The following PHF24 variants were observed in gnomAD, a reference collection of about 807,000 sequenced individuals.
PHF24 encodes the protein PHD finger protein 24.
PHF24 carries 25 observed loss-of-function variants against 42.6 expected under a neutral mutation model. That is an observed-to-expected ratio of 0.59 (90% CI 0.43 to 0.82). PHF24 has a LOEUF of 0.82. Ranked by LOEUF, PHF24 falls within the 40% of genes least tolerant of loss-of-function variation. The probability of loss-of-function intolerance (pLI) is 0.00; values close to 1 mark genes in which losing one functional copy is unlikely to be tolerated. For synonymous variants in PHF24, 185 were observed against 204.8 expected, an observed-to-expected ratio of 0.90 and a Z score of 0.83; for missense variants, 470 against 538.1, an observed-to-expected ratio of 0.87 and a Z score of 1.25.
chr9:34,826,344 A>T, the PHF24 span, among the ~76,000 whole-genome samples: 1 of 152,192 alleles, frequency 6.6e-6, no homozygotes, highest in African/African-American at 2.4e-5. Flanking sequence ...CCTGCAGTGG[A>T]CACAGAGGCC....
the PHF24 span, chr9:34,917,265 A>G: frequency 1.8e-6 from 2 of 1,085,732 alleles, no homozygotes; most frequent in Non-Finnish European, 2.9e-6. Context: ...GGTCATGTAT[A>G]TCTGGATCGA....
chr9:34,851,190 C>T, the PHF24 span, among the ~76,000 whole-genome samples: 1 of 152,168 alleles, frequency 6.6e-6, no homozygotes, highest in Non-Finnish European at 1.5e-5. Flanking sequence ...TTTGTCTGTG[C>T]CCTGCCCCCA....
the PHF24 span, among the ~76,000 whole-genome samples, chr9:34,887,592 A>T: frequency 5.9e-5 from 9 of 152,000 alleles, no homozygotes; most frequent in Non-Finnish European, 1.2e-4. Context: ...TTCCTCGTTT[A>T]CCCACGTGGT....
the PHF24 span, chr9:34,835,795 T>G: frequency 2.0e-5 from 31 of 1,538,836 alleles, no homozygotes; most frequent in Non-Finnish European, 2.6e-5. Context: ...CAGTGTTGGG[T>G]TTATAGATGC....
At chr9:34,755,354 T>TA in the PHF24 span, among the ~76,000 whole-genome samples, 1 of 152,000 alleles carries the variant, frequency 6.6e-6, no homozygotes, top group East Asian at 1.9e-4. Flanking sequence ...CCCACAAAAA[T>TA]AAAAAATGAA....
At chr9:34,871,627 G>T in the PHF24 span, among the ~76,000 whole-genome samples, 19 of 152,168 alleles carry the variant, frequency 1.2e-4, no homozygotes, top group South Asian at 4.2e-4. Flanking sequence ...AGGATGTAAG[G>T]TCTGTGTCTA....
chr9:34,736,171 C>T, the PHF24 span, among the ~76,000 whole-genome samples: 11 of 152,006 alleles, frequency 7.2e-5, no homozygotes, highest in East Asian at 2.1e-3. Context: ...AAAACAATAC[C>T]AGAACAGAGC....
intron 1 of PHF24, among the ~76,000 whole-genome samples, chr9:34,970,993 G>A (rs1250081900): frequency 1.3e-5 from 2 of 152,148 alleles, no homozygotes; most frequent in East Asian, 3.9e-4. Flanking sequence ...TGGTAGGCCT[G>A]TGATCCCAGC....
At chr9:34,931,200 C>G in the PHF24 span, among the ~76,000 whole-genome samples, 5 of 151,764 alleles carry the variant, frequency 3.3e-5, no homozygotes, top group Non-Finnish European at 7.4e-5. Flanking sequence ...CATGGTGAAA[C>G]CCTGTCTCTA....
At chr9:34,850,928 C>T in the PHF24 span, among the ~76,000 whole-genome samples, 11 of 152,238 alleles carry the variant, frequency 7.2e-5, no homozygotes, top group South Asian at 1.7e-3. Flanking sequence ...TTGTGAACCG[C>T]GAATGCTGCT....
At chr9:34,855,021 A>T in the PHF24 span, among the ~76,000 whole-genome samples, 1 of 152,144 alleles carries the variant, frequency 6.6e-6, no homozygotes, top group East Asian at 1.9e-4. Context: ...ATGCTTTACC[A>T]TATGTAATAC....
At chr9:34,727,090 C>G in the PHF24 span, 3 of 1,462,208 alleles carry the variant, frequency 2.1e-6, no homozygotes, top group East Asian at 5.0e-5. Flanking sequence ...CCTGAAAACC[C>G]TGGGGCCTAT....
At chr9:34,669,952 G>A in the PHF24 span, among the ~76,000 whole-genome samples, 1 of 152,122 alleles carries the variant, frequency 6.6e-6, no homozygotes, top group Non-Finnish European at 1.5e-5. Flanking sequence ...TGGGGAGGAA[G>A]GGGGCGCTGG....
chr9:34,927,155 G>A, the PHF24 span, among the ~76,000 whole-genome samples: 8 of 152,136 alleles, frequency 5.3e-5, no homozygotes, highest in Non-Finnish European at 1.0e-4. Context: ...GGTTGGCCCT[G>A]GGCAGGACTG....
the PHF24 span, among the ~76,000 whole-genome samples, chr9:34,777,600 T>G: frequency 6.6e-6 from 1 of 152,200 alleles, no homozygotes. Flanking sequence ...GTGGTACTTG[T>G]GCCTCAGCCC....
At chr9:34,815,896 T>C in the PHF24 span, among the ~76,000 whole-genome samples, 4 of 152,174 alleles carry the variant, frequency 2.6e-5, no homozygotes, top group Non-Finnish European at 5.9e-5. Flanking sequence ...TCCTAAATTC[T>C]GATGCTCCTC....
the PHF24 span, chr9:34,922,602 G>T: frequency 1.0e-6 from 1 of 956,958 alleles, no homozygotes. Flanking sequence ...GAAGCACTGG[G>T]GATCAAGAAC....
At chr9:34,706,872 TCC>T in the PHF24 span, among the ~76,000 whole-genome samples, 1 of 151,780 alleles carries the variant, frequency 6.6e-6, no homozygotes. Flanking sequence ...ACACCTGTAA[TCC>T]CAGCAACTTG....
At chr9:34,702,878 G>A in the PHF24 span, among the ~76,000 whole-genome samples, 1 of 152,194 alleles carries the variant, frequency 6.6e-6, no homozygotes, top group Admixed American at 6.5e-5. Flanking sequence ...CATAAAAATG[G>A]TAATCCAGCC....
Sources: allele counts gnomAD v4.1 joint callset (sites outside exome capture counted in the v4.1 genomes callset), GRCh38; gene constraint gnomAD v4.1.1; transcripts MANE v1.5; gene names NCBI Gene and HGNC (gene_info 2026-07-23, HGNC 2026-07-21).